The following ZBTB20 variants were observed in gnomAD, a reference collection of about 807,000 sequenced individuals.
ZBTB20 encodes zinc finger and BTB domain containing 20.
In ZBTB20, 9 loss-of-function variants were observed where a neutral mutation model predicts 56.9. The ratio of observed to expected loss-of-function variants is 0.16; its 90% CI spans 0.10 to 0.28. ZBTB20 has a LOEUF of 0.28. ZBTB20 is among the 10% of genes least tolerant of loss of function. The pLI, the probability that ZBTB20 is intolerant of heterozygous loss-of-function variation, is 1.00. For synonymous variants in ZBTB20, 417 were observed against 420.7 expected, an observed-to-expected ratio of 0.99 and a Z score of 0.11; for missense variants, 655 against 1,003.0, an observed-to-expected ratio of 0.65 and a Z score of 4.69.
intron 6 of ZBTB20, among the ~76,000 whole-genome samples, chr3:114,651,777 G>C (rs1178210676): frequency 6.6e-6 from 1 of 151,964 alleles, no homozygotes; most frequent in Non-Finnish European, 1.5e-5. Context: ...CCAAGCGTTC[G>C]ACTGTCCAAG....
At chr3:114,587,309 T>G (rs1212987938) in intron 6 of ZBTB20, among the ~76,000 whole-genome samples, 1 of 152,098 alleles carries the variant, frequency 6.6e-6, no homozygotes, top group Non-Finnish European at 1.5e-5. Flanking sequence ...ATTCTAGGTA[T>G]AACTCTTAAA....
chr3:114,334,611 T>C lies in ZBTB20; in HGVS notation c.*4394A>G, dbSNP rs772125980. ...AGTATTTGGGACCTTATAGAATATT[T>C]TGATGATACAAAATAAAACCCTTAT... On this transcript the variant is annotated 3_prime_UTR_variant, in exon 12 of 12. Transcript: ENST00000675478. 6.6e-6 allele frequency: 1 copy of C among 152,182 alleles called. No homozygotes were observed. Among genetic ancestry groups the C allele is most frequent in the Middle Eastern group, 3.2e-3 (1 of 316 alleles). The allele number at this position is 152,182 out of a possible 1,614,324, so 9.4% of individuals were successfully genotyped here.
chr3:114,922,935 G>T (rs1156498567), intron 3 of ZBTB20, among the ~76,000 whole-genome samples: 2 of 152,132 alleles, frequency 1.3e-5, no homozygotes, highest in African/African-American at 2.4e-5. Context: ...TCAACATGAG[G>T]TTTGTGGGGA....
rs1172476300 is a variant in ZBTB20, at chr3:114,338,083, T to C, written c.*922A>G. ...TTTCTTTTTCTCTTCCACAAGAATATATCCTGACACTTTTTTTTTTTTTGC... is the reference window on the plus strand; with the variant it reads ...TTTCTTTTTCTCTTCCACAAGAATACATCCTGACACTTTTTTTTTTTTTGC... On this transcript the variant is annotated 3_prime_UTR_variant, in exon 12 of 12. Coordinates refer to ENST00000675478, the MANE Select transcript of ZBTB20 (RefSeq NM_001348800.3). 1 of 147,730 alleles carries C rather than the reference T, an allele frequency of 6.8e-6. No individual in the cohort carries two copies. Among genetic ancestry groups the C allele is most frequent in the Non-Finnish European group, 1.5e-5 (1 of 66,486 alleles). The allele number at this position is 147,730 out of a possible 1,614,324, so 9.2% of individuals were successfully genotyped here.
At chr3:114,695,198 G>A (rs2062930297) in intron 5 of ZBTB20, among the ~76,000 whole-genome samples, 1 of 152,024 alleles carries the variant, frequency 6.6e-6, no homozygotes, top group African/African-American at 2.4e-5. Flanking sequence ...TGAAAGAGTT[G>A]TCAAAGACTT....
In ZBTB20 at chr3:114,922,770, C is replaced by T. The variant is rs181935927; in HGVS notation, c.-455-22428G>A. Among the ~76,000 whole-genome samples the T allele has an allele frequency of 1.3e-4, 20 of 152,256 alleles. No homozygotes were observed. In the East Asian group the frequency reaches 3.3e-3, roughly 25 times the overall value. On this transcript the variant is annotated intron_variant, in intron 3 of 11. Coordinates refer to ENST00000675478, the MANE Select transcript of ZBTB20 (RefSeq NM_001348800.3). ...AGAGAAAGAAGAGAGAGCTGCCAGG[C>T]TCTTTATAACAATCGGCTCTCATGG...
At chr3:115,134,910 A>G (rs2084613653) in intron 1 of ZBTB20, among the ~76,000 whole-genome samples, 1 of 152,248 alleles carries the variant, frequency 6.6e-6, no homozygotes, top group African/African-American at 2.4e-5. Flanking sequence ...ACATGGACAA[A>G]GAGCTCTGTT....
intron 5 of ZBTB20, among the ~76,000 whole-genome samples, chr3:114,752,467 G>A (rs541861476): frequency 6.6e-6 from 1 of 152,230 alleles, no homozygotes; most frequent in Admixed American, 6.5e-5. Flanking sequence ...TAGCCAGTTG[G>A]CATAACCTTA....
chr3:114,747,011 A>C lies in ZBTB20; in HGVS notation c.-342-53436T>G, dbSNP rs562398039. Among the ~76,000 whole-genome samples, 18 of 152,328 alleles carry C rather than the reference A, an allele frequency of 1.2e-4. No homozygotes were observed. The South Asian group carries it at 2.9e-3, about 25-fold the overall frequency. On this transcript the variant is annotated intron_variant, in intron 5 of 11. Transcript: ENST00000675478. Reference sequence around the variant, plus strand: ...GGAGGGAATGGGACATATACATGTAAAATTTTTCTCTATATTTTTGATAAT... The same window carrying C: ...GGAGGGAATGGGACATATACATGTACAATTTTTCTCTATATTTTTGATAAT...
intron 6 of ZBTB20, among the ~76,000 whole-genome samples, chr3:114,608,309 A>G (rs1320667347): frequency 6.6e-6 from 1 of 152,206 alleles, no homozygotes; most frequent in Non-Finnish European, 1.5e-5. Context: ...ATCTTTTAGA[A>G]CAATATTTCC....
intron 6 of ZBTB20, among the ~76,000 whole-genome samples, chr3:114,553,197 G>C (rs1174114353): frequency 3.9e-5 from 6 of 152,140 alleles, no homozygotes; most frequent in Non-Finnish European, 7.3e-5. Flanking sequence ...AGGACCTTAA[G>C]AACTCCACCA....
At chr3:114,405,351 C>T (rs762487992) in intron 7 of ZBTB20, among the ~76,000 whole-genome samples, 10 of 152,024 alleles carry the variant, frequency 6.6e-5, no homozygotes, top group East Asian at 1.9e-4. Context: ...AGCTAAATGG[C>T]GAAGACATAG....
intron 6 of ZBTB20, among the ~76,000 whole-genome samples, chr3:114,641,488 T>C (rs563846071): frequency 4.0e-4 from 61 of 151,864 alleles, no homozygotes; most frequent in African/African-American, 1.4e-3. Flanking sequence ...CTTATATAGA[T>C]ATAAAATAGG....
chr3:114,486,548 T>C (rs1163886787), intron 7 of ZBTB20, among the ~76,000 whole-genome samples: 1 of 152,142 alleles, frequency 6.6e-6, no homozygotes, highest in Non-Finnish European at 1.5e-5. Context: ...ATGGTGGTGA[T>C]GGATAAAAGC....
intron 2 of ZBTB20, among the ~76,000 whole-genome samples, chr3:114,989,975 T>A (rs955924569): frequency 1.3e-5 from 2 of 152,222 alleles, no homozygotes; most frequent in Admixed American, 1.3e-4. Flanking sequence ...TTTGCTGAAG[T>A]TGCTTATCAG....
chr3:114,652,183 C>T (rs2060171704), intron 6 of ZBTB20, among the ~76,000 whole-genome samples: 1 of 151,946 alleles, frequency 6.6e-6, no homozygotes, highest in Non-Finnish European at 1.5e-5. Context: ...TTCCTTTGTG[C>T]CCCCTTCCAG....
intron 4 of ZBTB20, among the ~76,000 whole-genome samples, chr3:114,862,343 T>G (rs1490069491): frequency 1.3e-5 from 2 of 152,106 alleles, no homozygotes; most frequent in African/African-American, 4.8e-5. Context: ...GCCTCTGTTT[T>G]GAAAGTGGAT....
intron 4 of ZBTB20, among the ~76,000 whole-genome samples, chr3:114,852,729 A>AGCTTTGCTTT (rs1276880518): frequency 1.3e-5 from 2 of 152,200 alleles, no homozygotes; most frequent in African/African-American, 4.8e-5. Flanking sequence ...CTTAGCTGAT[A>AGCTTTGCTTT]GCTAAATCTG....
intron 4 of ZBTB20, among the ~76,000 whole-genome samples, chr3:114,861,220 C>T (rs867418011): frequency 6.6e-6 from 1 of 152,134 alleles, no homozygotes; most frequent in Non-Finnish European, 1.5e-5. Context: ...CTTTACTCTA[C>T]CTATCTCACT....
Sources: allele counts gnomAD v4.1 joint callset (sites outside exome capture counted in the v4.1 genomes callset), GRCh38; gene constraint gnomAD v4.1.1; transcripts MANE v1.5; gene names NCBI Gene and HGNC (gene_info 2026-07-23, HGNC 2026-07-21).